Variants in LPGAT1 observed in about 807,000 individuals in gnomAD.
The protein encoded by LPGAT1 is lysophosphatidylglycerol acyltransferase 1, also known as acyl-CoA:lysophosphatidylglycerol acyltransferase 1.
A neutral mutation model predicts 47.5 loss-of-function variants in LPGAT1; 11 were observed. The observed-to-expected ratio is 0.23, with a 90% CI of 0.15 to 0.38. The LOEUF is 0.38. LPGAT1 is among the 10% of genes least tolerant of loss of function. The pLI is 1.00. For synonymous variants in LPGAT1, 138 were observed against 144.2 expected (o/e 0.96, Z 0.31); for missense variants, 293 against 439.0 (o/e 0.67, Z 2.97).
At chr1:211,768,911 G>A (rs1658051099) in intron 6 of LPGAT1, among the ~76,000 whole-genome samples, 1 of 152,126 alleles carries the variant, frequency 6.6e-6, no homozygotes, top group South Asian at 2.1e-4. Flanking sequence ...CAGTCAGTAG[G>A]AACATGAAGT....
At chr1:211,770,912 C>T (rs943756859) in intron 6 of LPGAT1, among the ~76,000 whole-genome samples, 1 of 151,996 alleles carries the variant, frequency 6.6e-6, no homozygotes, top group Non-Finnish European at 1.5e-5. Context: ...GCTTGGACAA[C>T]ATGGTAAAGC....
At chr1:211,770,304 AT>A (rs1658111466) in intron 6 of LPGAT1, among the ~76,000 whole-genome samples, 2 of 152,324 alleles carry the variant, frequency 1.3e-5, no homozygotes, top group South Asian at 4.1e-4. Context: ...GTGTGTGTTA[AT>A]TTCCCTAAAA....
At chr1:211,796,369 CAG>C (rs931148320) in intron 2 of LPGAT1, among the ~76,000 whole-genome samples, 19 of 152,156 alleles carry the variant, frequency 1.2e-4, no homozygotes, top group African/African-American at 4.6e-4. Context: ...AAATGTGGGT[CAG>C]AGAGACACAC....
chr1:211,746,502 C>G lies in LPGAT1; in HGVS notation c.*3397G>C, dbSNP rs931007731. The G allele has an allele frequency of 6.6e-6, 1 of 151,962 alleles. No homozygotes were observed. The highest frequency in any genetic ancestry group is 1.5e-5 in the Non-Finnish European group (1 of 67,992). The allele number at this position is 151,962 out of a possible 1,614,324, so 9.4% of individuals were successfully genotyped here. ...CTTAAATCATTTAATTAGTAAGCGT[C>G]CCTAGAAAAAAAATGTCTGATGAGA... On this transcript the variant is annotated 3_prime_UTR_variant, in exon 8 of 8. Coordinates refer to ENST00000366997, the MANE Select transcript of LPGAT1 (RefSeq NM_014873.3).
rs1223213967 is a variant in LPGAT1, at chr1:211,829,940, G to GTA, written c.-27-618_-27-617insTA. On this transcript the variant is annotated intron_variant, in intron 1 of 7. Transcript: ENST00000366997. ...CAAGGTGAGAGGAAGAAAGTAGGGG[G>GTA]TTATAATGCGAAAAAGAGGAAGGAC... 3.0e-6 allele frequency: 3 copies of GTA among 985,222 alleles called. No individual in the cohort carries two copies. The East Asian group carries it at 3.4e-4, about 112-fold the overall frequency. The allele number at this position is 985,222 out of a possible 1,614,324, so 61.0% of individuals were successfully genotyped here. A position where few individuals can be genotyped will look rare whatever the true frequency, so the allele number is the denominator to read the frequency against.
intron 6 of LPGAT1, among the ~76,000 whole-genome samples, chr1:211,765,589 C>A (rs969305780): frequency 1.3e-5 from 2 of 152,030 alleles, no homozygotes; most frequent in African/African-American, 4.8e-5. Context: ...CTTAAGAAGA[C>A]CTAAAAGTGA....
chr1:211,749,116 C>T lies in LPGAT1; in HGVS notation c.*783G>A, dbSNP rs1657063810. On this transcript the variant is annotated 3_prime_UTR_variant, in exon 8 of 8. Coordinates refer to ENST00000366997, the MANE Select transcript of LPGAT1 (RefSeq NM_014873.3). ...CGAGAACCTCACACACTGCTATGCT[C>T]CCATTTGTTTTCAGGCTATATTACT... is the stretch of plus-strand genomic sequence containing the variant. The T allele has an allele frequency of 6.6e-6, 1 of 152,648 alleles. No homozygotes were observed. The highest frequency in any genetic ancestry group is 6.5e-5 in the Admixed American group (1 of 15,272). The allele number at this position is 152,648 out of a possible 1,614,324, so 9.5% of individuals were successfully genotyped here.
At chr1:211,778,227 AG>A (rs888707112) in intron 6 of LPGAT1, among the ~76,000 whole-genome samples, 2 of 151,826 alleles carry the variant, frequency 1.3e-5, no homozygotes, top group African/African-American at 4.8e-5. Flanking sequence ...CTGTAGTCCC[AG>A]TTACTCGGGA....
intron 6 of LPGAT1, among the ~76,000 whole-genome samples, chr1:211,766,627 T>C (rs2102510903): frequency 6.6e-6 from 1 of 152,324 alleles, no homozygotes; most frequent in Non-Finnish European, 1.5e-5. Flanking sequence ...ATCCAAAAAG[T>C]ACTGGCAACA....
chr1:211,754,147 C>T (rs1352916271), intron 6 of LPGAT1, among the ~76,000 whole-genome samples: 1 of 152,172 alleles, frequency 6.6e-6, no homozygotes, highest in Non-Finnish European at 1.5e-5. Flanking sequence ...CCCCTATTTC[C>T]CTCTCCAGAG....
At chr1:211,798,136 CAG>C (rs1000956991) in intron 2 of LPGAT1, among the ~76,000 whole-genome samples, 20 of 152,132 alleles carry the variant, frequency 1.3e-4, no homozygotes, top group Non-Finnish European at 2.9e-5. Context: ...ACAGAATTAA[CAG>C]AGAGAAGAAA....
rs983918621 is a variant in LPGAT1, at chr1:211,747,353, G to A, written c.*2546C>T. 1.1e-4 allele frequency: 17 copies of A among 152,098 alleles called. No homozygotes were observed. Among genetic ancestry groups the A allele is most frequent in the Admixed American group, 3.9e-4 (6 of 15,262 alleles). The allele number at this position is 152,098 out of a possible 1,614,324, so 9.4% of individuals were successfully genotyped here. A position where few individuals can be genotyped will look rare whatever the true frequency, so the allele number is the denominator to read the frequency against. On this transcript the variant is annotated 3_prime_UTR_variant, in exon 8 of 8. Transcript: ENST00000366997. ...AAATACACATCTATTTACAACTCAC[G>A]GAGATATTTAAAAAAATTAACTCAC...
chr1:211,793,809 T>C (rs1309487577), intron 2 of LPGAT1, among the ~76,000 whole-genome samples: 1 of 152,212 alleles, frequency 6.6e-6, no homozygotes, highest in African/African-American at 2.4e-5. Flanking sequence ...AGCAAAGATA[T>C]ATGTATAAAG....
chr1:211,785,028 C>T (rs528631283), intron 4 of LPGAT1, among the ~76,000 whole-genome samples: 2 of 152,108 alleles, frequency 1.3e-5, no homozygotes, highest in African/African-American at 4.8e-5. Context: ...TGGTCTCGAT[C>T]TCCTGACCTT....
intron 2 of LPGAT1, among the ~76,000 whole-genome samples, chr1:211,808,328 C>A (rs1571754513): frequency 7.5e-6 from 1 of 132,602 alleles, no homozygotes; most frequent in African/African-American, 2.8e-5. Context: ...CCAGTCTGCG[C>A]AACAAGGGCG....
chr1:211,750,574 A>T (rs1159547082), intron 7 of LPGAT1, among the ~76,000 whole-genome samples: 1 of 152,198 alleles, frequency 6.6e-6, no homozygotes, highest in African/African-American at 2.4e-5. Context: ...TGATTCCTCT[A>T]TTTACAAATT....
intron 6 of LPGAT1, among the ~76,000 whole-genome samples, chr1:211,774,550 T>A (rs1475479780): frequency 6.6e-6 from 1 of 152,184 alleles, no homozygotes; most frequent in Non-Finnish European, 1.5e-5. Flanking sequence ...GCCACAAATT[T>A]TCTGAGGAAT....
rs552713430 is a variant in LPGAT1, at chr1:211,814,318, T to C, written c.238+14741A>G. Among the ~76,000 whole-genome samples, 27 of 152,262 alleles carry C rather than the reference T, an allele frequency of 1.8e-4. No individual in the cohort carries two copies. The South Asian group carries it at 5.6e-3, about 32-fold the overall frequency. ...TCAGAGGGAGGCAAAGAGTGGAAAC[T>C]GGAGCAGTGTGGAAGGGTGTCACAA... On this transcript the variant is annotated intron_variant, in intron 2 of 7. Transcript: ENST00000366997.
At chr1:211,779,822 C>T (rs1202543771) in intron 5 of LPGAT1, among the ~76,000 whole-genome samples, 1 of 148,692 alleles carries the variant, frequency 6.7e-6, no homozygotes, top group African/African-American at 2.5e-5. Flanking sequence ...CACTGCACTC[C>T]AGCCTGGGCA....
Sources: gnomAD v4.1 joint callset for allele counts (sites outside exome capture counted in the v4.1 genomes callset) on GRCh38, gnomAD v4.1.1 for gene constraint, MANE v1.5 for transcripts, NCBI Gene and HGNC (gene_info 2026-07-23, HGNC 2026-07-21) for gene names.